SAMMSON: variants seen among roughly 807,000 people sequenced by gnomAD.
SAMMSON encodes survival associated mitochondrial melanoma specific oncogenic non-coding RNA.
At chr3:70,279,757 G>GCCAT (rs1213176286) in intron 6 of SAMMSON, among the ~76,000 whole-genome samples, 2 of 152,150 alleles carry the variant, frequency 1.3e-5, no homozygotes, top group Non-Finnish European at 2.9e-5. Context: ...TGGCATAAAT[G>GCCAT]CCATCCCTCT....
At chr3:70,397,465 G>A (rs1349529804) in intron 2 of SAMMSON, among the ~76,000 whole-genome samples, 1 of 151,952 alleles carries the variant, frequency 6.6e-6, no homozygotes, top group Non-Finnish European at 1.5e-5. Flanking sequence ...CACTATGCCT[G>A]GTTAATTTTG....
intron 4 of SAMMSON, among the ~76,000 whole-genome samples, chr3:70,195,472 T>C (rs772829853): frequency 6.6e-6 from 1 of 152,276 alleles, no homozygotes; most frequent in Middle Eastern, 3.4e-3. Flanking sequence ...ATGAATAGTT[T>C]TCAATGTTTG....
At chr3:70,249,000 T>C (rs1316856470) in intron 4 of SAMMSON, 1 of 152,146 alleles carries the variant, frequency 6.6e-6, no homozygotes, top group Non-Finnish European at 1.5e-5. Flanking sequence ...GGCTAAAGAA[T>C]TGGAAGCTCA....
chr3:70,012,792 G>A (rs1295689359), intron 2 of SAMMSON, among the ~76,000 whole-genome samples: 3 of 152,134 alleles, frequency 2.0e-5, no homozygotes, highest in Admixed American at 1.3e-4. Context: ...GTAGAGAATG[G>A]TGAGGCTTTG....
chr3:70,068,335 C>G (rs1214542194), intron 3 of SAMMSON: 1 of 151,988 alleles, frequency 6.6e-6, no homozygotes, highest in Non-Finnish European at 1.5e-5. Context: ...CTCCCTGAAG[C>G]CTGCAAGGGA....
Position 70,058,330 on chromosome 3 carries a change from T to G in SAMMSON, n.418-13146T>G, listed in dbSNP as rs545154420. Among the ~76,000 whole-genome samples, 2 of 152,088 alleles carry G rather than the reference T, an allele frequency of 1.3e-5. 1 individual carries two copies. Among genetic ancestry groups the G allele is most frequent in the South Asian group, 4.1e-4 (2 of 4,822 alleles). On this transcript the variant is annotated intron_variant and non_coding_transcript_variant, in intron 3 of 9. Transcript: ENST00000642114. ...TTTCTGCTTGACTTTACTTTGAACC[T>G]GCAGTTAAAAGTTTGTCTTAGTTTG...
chr3:70,335,275 T>C lies in SAMMSON; in HGVS notation n.740-18900T>C, dbSNP rs114319070. ...TTACTATTTCGTTTCCTTCACTATA[T>C]TATGTACATAGTACATGCACTGTAT... On this transcript the variant is annotated intron_variant and non_coding_transcript_variant, in intron 7 of 9. Coordinates refer to ENST00000642114, the Ensembl canonical transcript of SAMMSON. Among the ~76,000 whole-genome samples the C allele has an allele frequency of 3.3e-3, 501 of 152,180 alleles. 3 individuals carry two copies. The highest frequency in any genetic ancestry group is 0.012 in the African/African-American group (480 of 41,566).
intron 7 of SAMMSON, chr3:70,291,306 A>G (rs916234805): frequency 6.6e-6 from 1 of 152,034 alleles, no homozygotes; most frequent in Non-Finnish European, 1.5e-5. Flanking sequence ...AATAGCAGCC[A>G]ACTCATTTTT....
intron 3 of SAMMSON, among the ~76,000 whole-genome samples, chr3:70,022,548 A>G (rs1323785984): frequency 6.6e-6 from 1 of 151,796 alleles, no homozygotes; most frequent in Non-Finnish European, 1.5e-5. Context: ...AGTTGGGAAC[A>G]TTTATGGAAC....
At chr3:70,118,673 T>C (rs2067421317) in intron 4 of SAMMSON, among the ~76,000 whole-genome samples, 1 of 152,230 alleles carries the variant, frequency 6.6e-6, no homozygotes, top group African/African-American at 2.4e-5. Flanking sequence ...CGAGCCCTTT[T>C]TTAGCATCCA....
intron 7 of SAMMSON, among the ~76,000 whole-genome samples, chr3:70,347,746 T>C (rs1439579387): frequency 6.6e-6 from 1 of 151,970 alleles, no homozygotes; most frequent in Non-Finnish European, 1.5e-5. Flanking sequence ...AAATAAGACA[T>C]ATGGAAAACG....
intron 2 of SAMMSON, among the ~76,000 whole-genome samples, chr3:70,407,808 T>C (rs1490666363): frequency 6.6e-6 from 1 of 152,232 alleles, no homozygotes; most frequent in Non-Finnish European, 1.5e-5. Context: ...CACTAGGTGG[T>C]GCCCCAGCAG....
chr3:70,112,440 A>C (rs7639059), intron 4 of SAMMSON, among the ~76,000 whole-genome samples: 82,010 of 151,896 alleles, frequency 0.54, 23,232 homozygotes, highest in East Asian at 0.8. Context: ...AAATGGAAAC[A>C]TTGGAAGGAA....
At chr3:70,103,642 A>C (rs1200527701) in intron 4 of SAMMSON, among the ~76,000 whole-genome samples, 1 of 152,168 alleles carries the variant, frequency 6.6e-6, no homozygotes, top group Non-Finnish European at 1.5e-5. Context: ...TTACTACTGC[A>C]CAAGATAGCC....
intron 4 of SAMMSON, among the ~76,000 whole-genome samples, chr3:70,239,758 A>G (rs935927305): frequency 1.2e-4 from 19 of 152,142 alleles, no homozygotes; most frequent in Non-Finnish European, 2.2e-4. Context: ...AGGAGATCAT[A>G]TCGCCCTATG....
At chr3:70,232,122 A>G (rs1039640953) in intron 4 of SAMMSON, among the ~76,000 whole-genome samples, 1 of 152,210 alleles carries the variant, frequency 6.6e-6, no homozygotes, top group Non-Finnish European at 1.5e-5. Context: ...TGACACTGGC[A>G]GCGAGATGTT....
intron 9 of SAMMSON, among the ~76,000 whole-genome samples, chr3:70,360,295 A>G (rs943049795): frequency 2.6e-5 from 4 of 152,184 alleles, no homozygotes; most frequent in African/African-American, 7.2e-5. Context: ...CTAATTCAAG[A>G]CACGGATTCT....
chr3:70,012,940 G>T (rs776981431), intron 2 of SAMMSON, among the ~76,000 whole-genome samples: 11 of 152,104 alleles, frequency 7.2e-5, no homozygotes, highest in Admixed American at 5.2e-4. Context: ...ACCCTAAAAG[G>T]CTGAGTAAAG....
intron 6 of SAMMSON, among the ~76,000 whole-genome samples, chr3:70,275,425 G>T (rs1343035635): frequency 6.6e-6 from 1 of 152,176 alleles, no homozygotes; most frequent in African/African-American, 2.4e-5. Context: ...TGAGGTGGGA[G>T]GATTGCTTGA....
Sources: gnomAD v4.1 joint callset for allele counts (sites outside exome capture counted in the v4.1 genomes callset) on GRCh38, gnomAD v4.1.1 for gene constraint, MANE v1.5 for transcripts, NCBI Gene and HGNC (gene_info 2026-07-23, HGNC 2026-07-21) for gene names.